The following CDH13 variants were observed in gnomAD, a reference collection of about 807,000 sequenced individuals.
The protein encoded by CDH13 is cadherin-13.
In CDH13, 24 loss-of-function variants were observed where a neutral mutation model predicts 63.8. The observed-to-expected ratio is 0.38, with a 90% confidence interval of 0.27 to 0.53. CDH13 has a LOEUF of 0.53. Ranked by LOEUF, CDH13 falls within the 20% of genes least tolerant of loss-of-function variation. CDH13 has a pLI of 0.85. For missense variants in CDH13, 1,049 were observed against 903.1 expected (o/e 1.16, Z -2.07); for synonymous variants, 503 against 355.3 (o/e 1.42, Z -4.67).
chr16:82,909,139 G>T (rs912177132), intron 2 of CDH13, among the ~76,000 whole-genome samples: 3 of 151,948 alleles, frequency 2.0e-5, no homozygotes, highest in Non-Finnish European at 4.4e-5. Flanking sequence ...TTTAAAATTT[G>T]TATTATGTTT....
intron 4 of CDH13, among the ~76,000 whole-genome samples, chr16:83,154,049 T>C (rs1597430257): frequency 6.6e-6 from 1 of 152,164 alleles, no homozygotes; most frequent in East Asian, 1.9e-4. Flanking sequence ...CCATGTCCTG[T>C]TGATATCAAG....
intron 7 of CDH13, among the ~76,000 whole-genome samples, chr16:83,587,653 T>G (rs1186019022): frequency 6.6e-6 from 1 of 152,182 alleles, no homozygotes; most frequent in South Asian, 2.1e-4. Context: ...TGAAACCTGG[T>G]AAGATTCATT....
chr16:82,650,472 C>T (rs1014670697), intron 1 of CDH13, among the ~76,000 whole-genome samples: 9 of 152,114 alleles, frequency 5.9e-5, no homozygotes, highest in African/African-American at 1.4e-4. Flanking sequence ...GCCTGCACAC[C>T]ACAGACTTGG....
At chr16:82,670,306 A>G (rs1913087203) in intron 1 of CDH13, among the ~76,000 whole-genome samples, 1 of 152,248 alleles carries the variant, frequency 6.6e-6, no homozygotes, top group Non-Finnish European at 1.5e-5. Flanking sequence ...GCGACTTAGA[A>G]CAATGGCTGC....
chr16:83,334,752 T>G (rs539080859), intron 5 of CDH13, among the ~76,000 whole-genome samples: 4 of 152,238 alleles, frequency 2.6e-5, no homozygotes, highest in African/African-American at 9.6e-5. Context: ...GGAGAGAGTA[T>G]GAGAATTGTA....
chr16:82,800,900 C>A lies in CDH13; in HGVS notation c.46-57462C>A, dbSNP rs544721456. Among the ~76,000 whole-genome samples, 151 of 152,208 alleles carry A rather than the reference C, an allele frequency of 9.9e-4. 1 individual carries two copies. The highest frequency in any genetic ancestry group is 1.8e-3 in the Non-Finnish European group (122 of 68,026). ...AATTTAGCTTGTGCATTTTCATGCA[C>A]CTTATTTCCTTTTTCCTCCTTTCGA... On this transcript the variant is annotated intron_variant, in intron 1 of 13. Transcript: ENST00000567109.
chr16:82,734,379 G>C (rs922857534), intron 1 of CDH13, among the ~76,000 whole-genome samples: 2 of 152,202 alleles, frequency 1.3e-5, no homozygotes, highest in East Asian at 3.8e-4. Context: ...AGGGAGAGGG[G>C]ACAGGCAGCA....
intron 7 of CDH13, among the ~76,000 whole-genome samples, chr16:83,526,746 T>A (rs1392043236): frequency 3.3e-5 from 5 of 152,212 alleles, no homozygotes; most frequent in Admixed American, 3.3e-4. Flanking sequence ...ATCTTCTGCT[T>A]TACCTTCTTT....
intron 2 of CDH13, among the ~76,000 whole-genome samples, chr16:83,001,368 G>A (rs1213814178): frequency 6.6e-6 from 1 of 152,216 alleles, no homozygotes; most frequent in Non-Finnish European, 1.5e-5. Flanking sequence ...AGTTTATTGT[G>A]CATTCAAGTG....
At chr16:83,049,431 T>G (rs1327275566) in intron 3 of CDH13, among the ~76,000 whole-genome samples, 2 of 147,836 alleles carry the variant, frequency 1.4e-5, no homozygotes, top group African/African-American at 5.0e-5. Context: ...ACCTCCTGGG[T>G]TCAGGCCATT....
chr16:83,355,131 T>C (rs1452033297), intron 6 of CDH13, among the ~76,000 whole-genome samples: 4 of 152,186 alleles, frequency 2.6e-5, no homozygotes, highest in African/African-American at 9.7e-5. Flanking sequence ...ACTTGTGCTA[T>C]TCTGTGGAGA....
intron 4 of CDH13, among the ~76,000 whole-genome samples, chr16:83,155,570 G>A (rs753970741): frequency 3.3e-5 from 5 of 152,052 alleles, no homozygotes; most frequent in East Asian, 1.9e-4. Flanking sequence ...AGTGCATATA[G>A]CTAAAGTCAA....
intron 5 of CDH13, among the ~76,000 whole-genome samples, chr16:83,292,378 G>T (rs1221461599): frequency 6.6e-6 from 1 of 152,100 alleles, no homozygotes; most frequent in Non-Finnish European, 1.5e-5. Context: ...ACTTTTCCAT[G>T]TGGGGACTTT....
intron 3 of CDH13, among the ~76,000 whole-genome samples, chr16:83,085,349 C>T (rs144138434): frequency 6.6e-4 from 100 of 152,274 alleles, no homozygotes; most frequent in African/African-American, 2.2e-3. Context: ...GTCCCTCCCA[C>T]AACACGTGGG....
At chr16:82,952,077 G>A (rs2151324767) in intron 2 of CDH13, among the ~76,000 whole-genome samples, 1 of 152,330 alleles carries the variant, frequency 6.6e-6, no homozygotes, top group South Asian at 2.1e-4. Flanking sequence ...TTTCTCGAAA[G>A]GAGTTTTGAC....
At chr16:82,989,530 C>T (rs1185406640) in intron 2 of CDH13, among the ~76,000 whole-genome samples, 1 of 152,144 alleles carries the variant, frequency 6.6e-6, no homozygotes, top group East Asian at 1.9e-4. Context: ...GCTGGGAATC[C>T]AGTCATGTCA....
At chr16:82,940,732 A>T (rs938927217) in intron 2 of CDH13, among the ~76,000 whole-genome samples, 2 of 152,158 alleles carry the variant, frequency 1.3e-5, no homozygotes, top group South Asian at 2.1e-4. Flanking sequence ...GTTGGCAGGC[A>T]CATACAGGCC....
intron 1 of CDH13, among the ~76,000 whole-genome samples, chr16:82,845,422 G>A (rs985275017): frequency 1.3e-5 from 2 of 152,170 alleles, no homozygotes; most frequent in South Asian, 2.1e-4. Flanking sequence ...GCACTCTAAG[G>A]GGCAAGCCTG....
At chr16:83,004,045 G>GA (rs548410809) in intron 2 of CDH13, among the ~76,000 whole-genome samples, 47 of 152,220 alleles carry the variant, frequency 3.1e-4, no homozygotes, top group Middle Eastern at 6.8e-3. Context: ...TGCTCTTTGG[G>GA]AAAAAAATAT....
Sources: allele counts gnomAD v4.1 joint callset (sites outside exome capture counted in the v4.1 genomes callset), GRCh38; gene constraint gnomAD v4.1.1; transcripts MANE v1.5; gene names NCBI Gene and HGNC (gene_info 2026-07-23, HGNC 2026-07-21).